TBC1D32: variants seen among roughly 807,000 people sequenced by gnomAD.
TBC1D32 encodes TBC1 domain family member 32.
A neutral mutation model predicts 170.3 loss-of-function variants in TBC1D32; 151 were observed. That is an observed-to-expected ratio of 0.89 (90% confidence interval 0.78 to 1.01). The LOEUF is 1.01. Ranked by LOEUF, TBC1D32 falls within the 50% of genes least tolerant of loss-of-function variation. The pLI is 0.00. For synonymous variants in TBC1D32, 498 were observed against 488.0 expected, an observed-to-expected ratio of 1.02 and a Z score of -0.27; for missense variants, 1,464 against 1,457.1, an observed-to-expected ratio of 1.00 and a Z score of -0.08.
At chr6:121,237,632 A>C (rs980653111) in intron 20 of TBC1D32, among the ~76,000 whole-genome samples, 5 of 151,860 alleles carry the variant, frequency 3.3e-5, no homozygotes, top group African/African-American at 1.2e-4. Flanking sequence ...TTATGTTTAA[A>C]TCTGTGAAGG....
intron 1 of TBC1D32, among the ~76,000 whole-genome samples, chr6:121,332,207 G>A (rs112392386): frequency 0.014 from 2,186 of 152,038 alleles, 13 homozygotes; most frequent in Middle Eastern, 0.034. Context: ...ATAGGCAAAC[G>A]TGTAGCTTTA....
chr6:121,283,019 T>C (rs1417552657), intron 13 of TBC1D32, among the ~76,000 whole-genome samples: 2 of 151,844 alleles, frequency 1.3e-5, no homozygotes, highest in Non-Finnish European at 3.0e-5. Context: ...ATGGATATAC[T>C]GAATAATGGT....
chr6:121,284,628 C>T (rs187918754), intron 12 of TBC1D32, among the ~76,000 whole-genome samples: 14 of 152,194 alleles, frequency 9.2e-5, no homozygotes, highest in Admixed American at 5.2e-4. Flanking sequence ...TTAAAAGAGT[C>T]TGGTGAAATC....
intron 22 of TBC1D32, among the ~76,000 whole-genome samples, chr6:121,190,079 C>G (rs1416390054): frequency 2.6e-4 from 3 of 11,656 alleles, no homozygotes; most frequent in Admixed American, 1.9e-3. Context: ...TACAGACACA[C>G]ACACACACAC....
rs551143582 is a variant in TBC1D32, at chr6:121,136,407, C to T, written c.2774-4655G>A. Among the ~76,000 whole-genome samples the T allele has an allele frequency of 9.2e-5, 14 of 152,148 alleles. No homozygotes were observed. The East Asian group carries it at 2.3e-3, about 25-fold the overall frequency. On this transcript the variant is annotated intron_variant, in intron 24 of 31. Transcript: ENST00000398212. Reference sequence around the variant, plus strand: ...TTCTCAAGTGGACATGGTTTTGCTCCCCAGGGAACATTTGGCAGTGTCTAT... The same window carrying T: ...TTCTCAAGTGGACATGGTTTTGCTCTCCAGGGAACATTTGGCAGTGTCTAT...
intron 24 of TBC1D32, among the ~76,000 whole-genome samples, chr6:121,158,406 T>C (rs965690635): frequency 1.3e-5 from 2 of 152,288 alleles, no homozygotes; most frequent in African/African-American, 4.8e-5. Flanking sequence ...TCCTGGATCA[T>C]TGCACTGGAT....
intron 17 of TBC1D32, among the ~76,000 whole-genome samples, chr6:121,251,208 T>C (rs144183523): frequency 2.0e-5 from 3 of 151,982 alleles, no homozygotes; most frequent in African/African-American, 7.2e-5. Context: ...ACTTTCCTCA[T>C]AGAATTAAAA....
At chr6:121,289,842 C>T (rs1235106986) in intron 12 of TBC1D32, among the ~76,000 whole-genome samples, 3 of 152,050 alleles carry the variant, frequency 2.0e-5, no homozygotes, top group Admixed American at 1.3e-4. Flanking sequence ...AGAAATAATG[C>T]CGCATATCTA....
chr6:121,181,542 A>G (rs1220149782), intron 22 of TBC1D32, among the ~76,000 whole-genome samples: 1 of 152,128 alleles, frequency 6.6e-6, no homozygotes, highest in Non-Finnish European at 1.5e-5. Flanking sequence ...TCTTTTCTTT[A>G]TGAATTACCC....
chr6:121,103,440 T>C lies in TBC1D32; in HGVS notation c.3465+2583A>G, dbSNP rs914748754. On this transcript the variant is annotated intron_variant, in intron 30 of 31. Transcript: ENST00000398212. ...TGAGTTCATGTCCTTTGTAGGGACA[T>C]GGATGAAGCTGGAAACCATCATTCT... Among the ~76,000 whole-genome samples, 11 of 151,894 alleles carry C rather than the reference T, an allele frequency of 7.2e-5. No individual in the cohort carries two copies. The East Asian group carries it at 1.9e-3, about 27-fold the overall frequency.
Position 121,281,585 on chromosome 6 carries a change from T to A in TBC1D32, c.1567A>T (p.Thr523Ser), listed in dbSNP as rs1179102070. ...ECLYNNIVIE[T>S]LLQPIHNLMK... The stretch of plus-strand genomic sequence containing the variant: ...AAATTGTGAATAGGCTGAAGAAGTG[T>A]CTCTATTACAATGTTGTTATATAAG... The change falls in exon 14 of 32, where the codon ACA becomes TCA. Residue 523 changes from threonine to serine, a missense_variant. Thr to Ser is a moderately conservative substitution (Grantham distance 58). Transcript: ENST00000398212. 6 of 1,606,482 alleles carry A rather than the reference T, an allele frequency of 3.7e-6. No homozygotes were observed. In the East Asian group the frequency reaches 1.4e-4, roughly 36 times the overall value.
intron 1 of TBC1D32, among the ~76,000 whole-genome samples, chr6:121,326,190 T>C (rs1197375090): frequency 1.3e-5 from 2 of 151,872 alleles, no homozygotes; most frequent in Non-Finnish European, 2.9e-5. Flanking sequence ...ATGTAGTCAA[T>C]AAAGCTAAGA....
At chr6:121,219,316 T>C (rs1583269947) in intron 21 of TBC1D32, among the ~76,000 whole-genome samples, 1 of 152,220 alleles carries the variant, frequency 6.6e-6, no homozygotes, top group East Asian at 1.9e-4. Flanking sequence ...CAGAAAGCAG[T>C]GATCTTTCTA....
At chr6:121,225,504 A>G (rs1026413090) in intron 20 of TBC1D32, among the ~76,000 whole-genome samples, 2 of 152,084 alleles carry the variant, frequency 1.3e-5, no homozygotes. Flanking sequence ...TAAATCACAT[A>G]TATCAATAGT....
chr6:121,231,572 C>T (rs780859606), intron 20 of TBC1D32, among the ~76,000 whole-genome samples: 21 of 152,162 alleles, frequency 1.4e-4, no homozygotes, highest in Middle Eastern at 3.4e-3. Flanking sequence ...ACTGCATCCA[C>T]GCCAACATCT....
In TBC1D32 at chr6:121,326,770, GA is replaced by G. The variant is rs971421302; in HGVS notation, c.156-4977del. Among the ~76,000 whole-genome samples the G allele has an allele frequency of 1.6e-3, 228 of 143,298 alleles. 1 individual carries two copies. The highest frequency in any genetic ancestry group is 3.6e-3 in the Middle Eastern group (1 of 280). The allele number at this position is 143,298 out of a possible 152,430, so 94.0% of individuals were successfully genotyped here. On this transcript the variant is annotated intron_variant, in intron 1 of 31. Coordinates refer to ENST00000398212, the MANE Select transcript of TBC1D32 (RefSeq NM_152730.6). ...GCTCTTTTCAAAAGAATCTTCTAGGGAAAAAAAAAAAATCTCCAGGAGTGGC... is the reference window on the plus strand; with the variant it reads ...GCTCTTTTCAAAAGAATCTTCTAGGGAAAAAAAAAAATCTCCAGGAGTGGC...
At chr6:121,168,953 T>C (rs1029210050) in intron 22 of TBC1D32, among the ~76,000 whole-genome samples, 2 of 152,110 alleles carry the variant, frequency 1.3e-5, no homozygotes, top group East Asian at 1.9e-4. Flanking sequence ...TCCATGCTCA[T>C]GAATAGGAAG....
At chr6:121,144,928 G>A (rs924101222) in intron 24 of TBC1D32, among the ~76,000 whole-genome samples, 1 of 152,178 alleles carries the variant, frequency 6.6e-6, no homozygotes, top group Non-Finnish European at 1.5e-5. Flanking sequence ...TTTTCTGGAA[G>A]TCAAATGAAG....
intron 18 of TBC1D32, 51 bp from the exon 19 acceptor site, chr6:121,241,603 C>T (rs555147722): frequency 4.6e-5 from 64 of 1,404,074 alleles, no homozygotes; most frequent in South Asian, 2.1e-4. Context: ...ACATGGCATG[C>T]TAACTAGACA....
Sources: gnomAD v4.1 joint callset for allele counts (sites outside exome capture counted in the v4.1 genomes callset) on GRCh38, gnomAD v4.1.1 for gene constraint, MANE v1.5 for transcripts, NCBI Gene and HGNC (gene_info 2026-07-23, HGNC 2026-07-21) for gene names.